Variants in RSBN1 observed in about 807,000 individuals in gnomAD.
The protein encoded by RSBN1 is round spermatid basic protein 1.
Under a neutral mutation model 74.8 loss-of-function variants are expected in RSBN1, and 23 were observed. That is an observed-to-expected ratio of 0.31 (90% CI 0.22 to 0.44). The LOEUF is 0.44. Among genes scored for constraint, RSBN1 ranks in the 20% least tolerant of loss-of-function variants. RSBN1 has a pLI of 1.00. For missense variants in RSBN1, 808 were observed against 1,020.9 expected (o/e 0.79, Z 2.84); for synonymous variants, 407 against 379.6 (o/e 1.07, Z -0.84).
chr1:113,809,660 C>A (rs1660791114), intron 1 of RSBN1, among the ~76,000 whole-genome samples: 2 of 152,176 alleles, frequency 1.3e-5, no homozygotes, highest in Admixed American at 1.3e-4. Flanking sequence ...TATAATCCAA[C>A]AATCTCTCAG....
At position 113,802,231 on chromosome 1, in the gene RSBN1, C is replaced by T. The variant is rs532920925; in HGVS notation, c.704-4195G>A. Among the ~76,000 whole-genome samples the T allele has an allele frequency of 2.6e-4, 39 of 151,198 alleles. No homozygotes were observed. In the South Asian group the frequency reaches 8.1e-3, roughly 31 times the overall value. On this transcript the variant is annotated intron_variant, in intron 1 of 6. Transcript: ENST00000261441. ...TCGGCCTCCCAAAGTGCTGGGATTA[C>T]AGGCATAAGCCACCATGCCCGGCCT... is the stretch of plus-strand genomic sequence containing the variant.
intron 2 of RSBN1, among the ~76,000 whole-genome samples, chr1:113,790,856 T>C (rs1372908239): frequency 6.6e-6 from 1 of 152,228 alleles, no homozygotes; most frequent in Non-Finnish European, 1.5e-5. Flanking sequence ...ACTTATTTCA[T>C]GCCTCACTCC....
intron 1 of RSBN1, among the ~76,000 whole-genome samples, chr1:113,808,127 C>A (rs1660750653): frequency 6.6e-6 from 1 of 151,940 alleles, no homozygotes; most frequent in South Asian, 2.1e-4. Context: ...AACAAACAAA[C>A]AAAATAAATA....
Position 113,764,447 on chromosome 1 carries a change from C to T in RSBN1, c.*1533G>A, listed in dbSNP as rs1365612782. 2 of 152,560 alleles carry T rather than the reference C, an allele frequency of 1.3e-5. No homozygotes were observed. Among genetic ancestry groups the T allele is most frequent in the Non-Finnish European group, 2.9e-5 (2 of 68,004 alleles). 9.5% of individuals were successfully genotyped at this position (152,560 alleles called of 1,614,324 possible). A position where few individuals can be genotyped will look rare whatever the true frequency, so the allele number is the denominator to read the frequency against. ...ACTTTTCTATCGGTTTACACAGTGA[C>T]CTCTATACTTTGCTAATATGCATTT... On this transcript the variant is annotated 3_prime_UTR_variant, in exon 7 of 7. Transcript: ENST00000261441.
chr1:113,766,306 A>G lies in RSBN1; in HGVS notation c.2083T>C (p.Leu695=). 6.2e-7 allele frequency: 1 copy of G among 1,614,126 alleles called. No individual in the cohort carries two copies. Among genetic ancestry groups the G allele is most frequent in the Non-Finnish European group, 8.5e-7 (1 of 1,179,972 alleles). ...TGTTTAAGCCTTATATGCCAGGCTAAGCTGCACACCGCCGAAACTGTTTTG... is the reference window on the plus strand; with the variant it reads ...TGTTTAAGCCTTATATGCCAGGCTAGGCTGCACACCGCCGAAACTGTTTTG... The part of the protein sequence containing the change: ...QFKTVSAVCS[L]AWHIRLKQYH... The change falls in exon 7 of 7, where the codon TTA becomes CTA. Residue 695 remains leucine (L), a synonymous_variant. Transcript: ENST00000261441.
At position 113,778,401 on chromosome 1, in the gene RSBN1, A is replaced by T. The variant is rs183736729; in HGVS notation, c.1378-593T>A. On this transcript the variant is annotated intron_variant, in intron 2 of 6. Transcript: ENST00000261441. Reference sequence around the variant, plus strand: ...GCAACCTCCACCTCCCAATTCAAGCAATTCTCCTCCCTCAGCCTCCCAAGT... The same window carrying T: ...GCAACCTCCACCTCCCAATTCAAGCTATTCTCCTCCCTCAGCCTCCCAAGT... 4.6e-5 allele frequency among the ~76,000 whole-genome samples: 7 copies of T among 151,248 alleles called. No individual in the cohort carries two copies. In the East Asian group the frequency reaches 1.4e-3, roughly 30 times the overall value.
At chr1:113,778,286 A>G (rs1166521871) in intron 2 of RSBN1, among the ~76,000 whole-genome samples, 3 of 149,174 alleles carry the variant, frequency 2.0e-5, no homozygotes, top group Non-Finnish European at 4.5e-5. Flanking sequence ...AGACAGGCCA[A>G]TCTTTTTTTT....
chr1:113,775,119 G>T (rs1348217948), intron 4 of RSBN1, among the ~76,000 whole-genome samples: 1 of 151,532 alleles, frequency 6.6e-6, no homozygotes, highest in Non-Finnish European at 1.5e-5. Context: ...TCGCCTCCCA[G>T]GTTCAAGCAA....
chr1:113,788,414 A>G (rs1174724315), intron 2 of RSBN1, among the ~76,000 whole-genome samples: 1 of 152,104 alleles, frequency 6.6e-6, no homozygotes, highest in Non-Finnish European at 1.5e-5. Flanking sequence ...AGTGATTGTT[A>G]TTATTCTTTA....
chr1:113,776,892 G>A (rs540612462), intron 4 of RSBN1, among the ~76,000 whole-genome samples: 184 of 151,996 alleles, frequency 1.2e-3, no homozygotes, highest in Middle Eastern at 6.9e-3. Flanking sequence ...CGGTATGGCC[G>A]GAGAAGACTA....
intron 1 of RSBN1, among the ~76,000 whole-genome samples, chr1:113,800,698 T>C (rs1002637695): frequency 2.0e-5 from 3 of 152,148 alleles, no homozygotes; most frequent in Non-Finnish European, 4.4e-5. Flanking sequence ...ACTGCGTTGA[T>C]TGTAACACAT....
intron 2 of RSBN1, among the ~76,000 whole-genome samples, chr1:113,788,355 TG>T (rs1660300400): frequency 6.6e-6 from 1 of 151,706 alleles, no homozygotes; most frequent in Non-Finnish European, 1.5e-5. Flanking sequence ...AAAAGGGTGG[TG>T]GGGGGTAGGG....
At chr1:113,769,385 T>C (rs906485430) in intron 4 of RSBN1, among the ~76,000 whole-genome samples, 3 of 152,072 alleles carry the variant, frequency 2.0e-5, no homozygotes, top group African/African-American at 7.2e-5. Context: ...CAGGCATCCA[T>C]GTTATCTCCT....
intron 1 of RSBN1, among the ~76,000 whole-genome samples, chr1:113,811,089 A>G (rs1466776561): frequency 2.0e-5 from 3 of 152,178 alleles, no homozygotes; most frequent in African/African-American, 7.2e-5. Flanking sequence ...TGTTGGTCCT[A>G]TTTCCTAGTA....
At chr1:113,767,262 G>A in intron 5 of RSBN1, 55 bp from the exon 6 acceptor site, 2 of 1,029,796 alleles carry the variant, frequency 1.9e-6, no homozygotes, top group Non-Finnish European at 2.9e-6. Flanking sequence ...GAAAAATGAT[G>A]ACAAATTTCA....
intron 2 of RSBN1, among the ~76,000 whole-genome samples, chr1:113,778,489 G>T (rs1445610595): frequency 6.6e-6 from 1 of 151,850 alleles, no homozygotes; most frequent in Non-Finnish European, 1.5e-5. Flanking sequence ...TAGTAGAGAT[G>T]GGGTTTCAAC....
rs1029611765 is a variant in RSBN1 at position 113,763,238 on chromosome 1, T to C, written c.*2742A>G. ...AAGTTAGGAATATTCATTTATTGGG[T>C]CCTTTCCATAAGCACATTTAAAAAC... On this transcript the variant is annotated 3_prime_UTR_variant, in exon 7 of 7. Transcript: ENST00000261441. 2 of 152,768 alleles carry C rather than the reference T, an allele frequency of 1.3e-5. No homozygotes were observed. The highest frequency in any genetic ancestry group is 2.4e-5 in the African/African-American group (1 of 41,438). The allele number at this position is 152,768 out of a possible 1,614,324, so 9.5% of individuals were successfully genotyped here.
intron 2 of RSBN1, among the ~76,000 whole-genome samples, chr1:113,784,441 C>T (rs1660198578): frequency 1.3e-5 from 2 of 152,104 alleles, no homozygotes; most frequent in African/African-American, 4.8e-5. Flanking sequence ...CAGTGGTCCC[C>T]AATCTTTTTG....
At chr1:113,788,576 C>T (rs867467060) in intron 2 of RSBN1, among the ~76,000 whole-genome samples, 2 of 152,084 alleles carry the variant, frequency 1.3e-5, no homozygotes, top group Non-Finnish European at 2.9e-5. Flanking sequence ...AATCAGGAAT[C>T]ATTATGGCAT....
Sources: allele counts gnomAD v4.1 joint callset (sites outside exome capture counted in the v4.1 genomes callset), GRCh38; gene constraint gnomAD v4.1.1; transcripts MANE v1.5; gene names NCBI Gene and HGNC (gene_info 2026-07-23, HGNC 2026-07-21).